The following PAX2 variants were observed in gnomAD, a reference collection of about 807,000 sequenced individuals.
PAX2 encodes the protein paired box 2.
In PAX2, 9 loss-of-function variants were observed where a neutral mutation model predicts 41.7. The ratio of observed to expected loss-of-function variants is 0.22; its 90% CI spans 0.13 to 0.38. PAX2 has a LOEUF of 0.38. Ranked by LOEUF, PAX2 falls within the 10% of genes least tolerant of loss-of-function variation. PAX2 has a pLI of 1.00. For synonymous variants in PAX2, 221 were observed against 212.7 expected (o/e 1.04, Z -0.34); for missense variants, 418 against 531.6 (o/e 0.79, Z 2.10).
intron 3 of PAX2, among the ~76,000 whole-genome samples, chr10:100,769,177 C>A (rs939268970): frequency 6.6e-6 from 1 of 152,220 alleles, no homozygotes; most frequent in Admixed American, 6.5e-5. Flanking sequence ...AGTTACCTAA[C>A]CTCTCTGAGT....
rs549178853 is a variant in PAX2 at position 100,806,088 on chromosome 10, C to T, written c.617-342C>T. Among the ~76,000 whole-genome samples, 12 of 152,330 alleles carry T rather than the reference C, an allele frequency of 7.9e-5. No homozygotes were observed. In the South Asian group the frequency reaches 2.3e-3, roughly 29 times the overall value. ...TCTTTCTTCCCCAGGCTGGCCCTGG[C>T]TTGGGGGCAGGGGGTGGTTCAGGGA... On this transcript the variant is annotated intron_variant, in intron 5 of 9. Coordinates refer to ENST00000355243, the MANE Select transcript of PAX2 (RefSeq NM_000278.5).
rs547961135 is a variant in PAX2 at position 100,771,061 on chromosome 10, G to T, written c.411-8437G>T. ...ATGGGACCCGGTGATTTGCATTTTA[G>T]CAAGCACCCCAGGGGATTCTAATGC... On this transcript the variant is annotated intron_variant, in intron 3 of 9. Coordinates refer to ENST00000355243, the MANE Select transcript of PAX2 (RefSeq NM_000278.5). 1.8e-4 allele frequency among the ~76,000 whole-genome samples: 27 copies of T among 152,292 alleles called. No individual in the cohort carries two copies. The South Asian group carries it at 5.4e-3, about 30-fold the overall frequency.
intron 5 of PAX2, among the ~76,000 whole-genome samples, chr10:100,789,599 C>T (rs1024916975): frequency 9.9e-5 from 15 of 152,186 alleles, no homozygotes; most frequent in African/African-American, 2.7e-4. Context: ...TGCATTGGCT[C>T]AACCTATGTT....
At chr10:100,811,213 G>A (rs1847979802) in intron 7 of PAX2, among the ~76,000 whole-genome samples, 1 of 152,190 alleles carries the variant, frequency 6.6e-6, no homozygotes, top group African/African-American at 2.4e-5. Flanking sequence ...TGGATTAATA[G>A]TGCCATTACC....
In PAX2 at chr10:100,764,299, A is replaced by G. The variant is rs932215306; in HGVS notation, c.410+13408A>G. ...CCTGGGACCACAGGCGCCCGCCACCACGCCTGGCTAATTTTTTGTATTTTT... is the reference window on the plus strand; with the variant it reads ...CCTGGGACCACAGGCGCCCGCCACCGCGCCTGGCTAATTTTTTGTATTTTT... On this transcript the variant is annotated intron_variant, in intron 3 of 9. Coordinates refer to ENST00000355243, the MANE Select transcript of PAX2 (RefSeq NM_000278.5). Among the ~76,000 whole-genome samples the G allele has an allele frequency of 7.2e-5, 11 of 151,788 alleles. 1 individual carries two copies. The Middle Eastern group carries it at 0.01, about 142-fold the overall frequency.
intron 3 of PAX2, among the ~76,000 whole-genome samples, chr10:100,753,665 G>A (rs773115472): frequency 3.3e-5 from 5 of 152,156 alleles, no homozygotes. Context: ...AAGAAAAGAA[G>A]TCCACACATG....
At chr10:100,821,849 T>A (rs974390612) in intron 7 of PAX2, among the ~76,000 whole-genome samples, 7 of 152,262 alleles carry the variant, frequency 4.6e-5, no homozygotes, top group Admixed American at 4.6e-4. Context: ...TTGCAGACTT[T>A]ATGATGACAG....
At chr10:100,773,367 C>G (rs764157909) in intron 3 of PAX2, among the ~76,000 whole-genome samples, 7 of 152,248 alleles carry the variant, frequency 4.6e-5, no homozygotes, top group Middle Eastern at 3.4e-3. Context: ...CCACCTCACT[C>G]CTCCCAAGGT....
At chr10:100,801,021 G>A (rs1157276408) in intron 5 of PAX2, among the ~76,000 whole-genome samples, 3 of 152,208 alleles carry the variant, frequency 2.0e-5, no homozygotes, top group African/African-American at 7.2e-5. Context: ...GTTGATCTTT[G>A]GTTTTGGAGT....
At chr10:100,743,082 G>A (rs1428887274), upstream of PAX2, among the ~76,000 whole-genome samples, 1 of 151,848 alleles carries the variant, frequency 6.6e-6, no homozygotes, top group East Asian at 1.9e-4. Flanking sequence ...CCAGGAATGG[G>A]CTGGAGCTAA....
At chr10:100,737,609 C>T (rs1421267062) in intron 1 of PAX2, among the ~76,000 whole-genome samples, 1 of 152,244 alleles carries the variant, frequency 6.6e-6, no homozygotes, top group Non-Finnish European at 1.5e-5. Flanking sequence ...CACTTCGAGG[C>T]GGCTCCGCAG....
intron 7 of PAX2, among the ~76,000 whole-genome samples, chr10:100,820,956 T>C (rs1311978402): frequency 2.0e-5 from 3 of 152,188 alleles, no homozygotes; most frequent in African/African-American, 7.2e-5. Context: ...GTGCTTTTGC[T>C]TGTTTGTATA....
intron 5 of PAX2, among the ~76,000 whole-genome samples, chr10:100,783,606 A>G (rs1363582767): frequency 2.0e-5 from 3 of 149,998 alleles, no homozygotes; most frequent in African/African-American, 4.9e-5. Context: ...CTGAGGAGAC[A>G]GGTTAGGGCC....
At chr10:100,742,591 T>C (rs1845000488), upstream of PAX2, among the ~76,000 whole-genome samples, 1 of 152,110 alleles carries the variant, frequency 6.6e-6, no homozygotes, top group East Asian at 1.9e-4. Flanking sequence ...AATCCCGAGA[T>C]GGGTATCAGA....
intron 1 of PAX2, chr10:100,749,154 T>G: frequency 1.0e-6 from 1 of 985,706 alleles, no homozygotes; most frequent in Non-Finnish European, 1.2e-6. Flanking sequence ...AGGAAAGAGG[T>G]AGAAAAATTC....
intron 3 of PAX2, among the ~76,000 whole-genome samples, chr10:100,759,433 T>C (rs1845758462): frequency 1.3e-5 from 2 of 152,068 alleles, no homozygotes; most frequent in Admixed American, 6.5e-5. Context: ...CAGCAGTGGC[T>C]CCAGCCTAGT....
rs573227366 is a variant in PAX2, at chr10:100,795,699, G to A, written c.617-10731G>A. ...TTTCTGACAGGCAGGATGGCCTTGG[G>A]CTTGTCACTGCCTCACCCTTTCTTT... On this transcript the variant is annotated intron_variant, in intron 5 of 9. Transcript: ENST00000355243. 3.3e-5 allele frequency among the ~76,000 whole-genome samples: 5 copies of A among 152,320 alleles called. No individual in the cohort carries two copies. In the East Asian group the frequency reaches 9.6e-4, roughly 29 times the overall value.
At chr10:100,764,144 T>A in intron 3 of PAX2, among the ~76,000 whole-genome samples, 1 of 146,392 alleles carries the variant, frequency 6.8e-6, no homozygotes, top group East Asian at 2.0e-4. Context: ...GAATTTTTTT[T>A]TTTTTTTTTT....
chr10:100,803,596 C>A (rs185837651), intron 5 of PAX2, among the ~76,000 whole-genome samples: 1 of 152,246 alleles, frequency 6.6e-6, no homozygotes, highest in Admixed American at 6.5e-5. Flanking sequence ...TCTTTGTGCT[C>A]CTTCGCCATT....
Sources: gnomAD v4.1 joint callset for allele counts (sites outside exome capture counted in the v4.1 genomes callset) on GRCh38, gnomAD v4.1.1 for gene constraint, MANE v1.5 for transcripts, NCBI Gene and HGNC (gene_info 2026-07-23, HGNC 2026-07-21) for gene names.